PLXNB3: variants seen among roughly 807,000 people sequenced by gnomAD.
PLXNB3 encodes plexin-B3.
In PLXNB3, 80 loss-of-function variants were observed where a neutral mutation model predicts 125.7. The ratio of observed to expected loss-of-function variants is 0.64; its 90% CI spans 0.53 to 0.77. The LOEUF (loss-of-function observed/expected upper bound fraction) is 0.77, where lower values mean the gene tolerates loss of function less well. PLXNB3 is among the 30% of genes least tolerant of loss of function. The pLI is 0.00. For synonymous variants in PLXNB3, 954 were observed against 783.3 expected, an observed-to-expected ratio of 1.22 and a Z score of -3.64; for missense variants, 1,836 against 1,729.3, an observed-to-expected ratio of 1.06 and a Z score of -1.09.
At chrX:153,776,767 G>GGGTGA in intron 28 of PLXNB3, 120 bp from the exon 29 acceptor site, 1 of 412,995 alleles carries the variant, frequency 2.4e-6, no homozygotes, top group East Asian at 4.4e-5. Flanking sequence ...GGGTGGGGCA[G>GGGTGA]GGTGAGGCGA....
rs1557063541 is a variant in PLXNB3, at chrX:153,774,991, G to A, written c.4043G>A (p.Cys1348Tyr). 2 of 1,201,194 alleles carry A rather than the reference G, an allele frequency of 1.7e-6. No individual in the cohort carries two copies. Among genetic ancestry groups the A allele is most frequent in the South Asian group, 1.8e-5 (1 of 55,559 alleles). ...GCCTTCTTCCCTGGCCATGGCGGTTGCCCGCTGCAGCCCAAGCCTGAGGGG... is the reference window on the plus strand; with the variant it reads ...GCCTTCTTCCCTGGCCATGGCGGTTACCCGCTGCAGCCCAAGCCTGAGGGG... ...ERAFFPGHGG[C>Y]PLQPKPEGPG... The change falls in exon 24 of 36, where the codon TGC becomes TAC. Residue 1348 changes from cysteine (C) to tyrosine (Y), a missense_variant. Transcript: ENST00000361971.
Position 153,774,384 on chromosome X carries a change from G to A in PLXNB3, c.3679-36G>A, listed in dbSNP as rs782687354. ...TGGGTGGGCAGGTGGACCGGGTGCC[G>A]CCAGCATGCACTCAGGAACCCTGCC... On this transcript the variant is annotated intron_variant, in intron 21 of 35. Coordinates refer to ENST00000361971, the MANE Select transcript of PLXNB3 (RefSeq NM_005393.3). The A allele has an allele frequency of 7.0e-5, 81 of 1,157,567 alleles. No individual in the cohort carries two copies. The South Asian group carries it at 1.1e-3, about 16-fold the overall frequency.
Position 153,778,715 on chromosome X carries a change from G to A in PLXNB3, c.5625+41G>A, listed in dbSNP as rs932410301. On this transcript the variant is annotated intron_variant, in intron 35 of 35. Coordinates refer to ENST00000361971, the MANE Select transcript of PLXNB3 (RefSeq NM_005393.3). Reference sequence around the variant, plus strand: ...CTCCGGAGGGGAGGCACAGTGGAGCGGGAGGCCCGTGGACCCTCCCGGGGG... The same window carrying A: ...CTCCGGAGGGGAGGCACAGTGGAGCAGGAGGCCCGTGGACCCTCCCGGGGG... 6.9e-6 allele frequency: 8 copies of A among 1,154,862 alleles called. No homozygotes were observed. The African/African-American group carries it at 7.1e-5, about 10-fold the overall frequency.
intron 2 of PLXNB3, chrX:153,765,804 C>A (rs2091851249): frequency 2.7e-6 from 2 of 753,250 alleles, no homozygotes; most frequent in African/African-American, 4.6e-5. Flanking sequence ...CCCTGAGTCG[C>A]AGCGGCCCCA....
chrX:153,765,401 C>A, intron 1 of PLXNB3, 70 bp from the exon 2 acceptor site: 1 of 852,913 alleles, frequency 1.2e-6, no homozygotes, highest in South Asian at 2.4e-5. Flanking sequence ...GGCGCCACCC[C>A]CACCGCCGCC....
At chrX:153,768,799 G>C in intron 4 of PLXNB3, 149 bp from the exon 5 acceptor site, 1 of 640,197 alleles carries the variant, frequency 1.6e-6, no homozygotes, top group Non-Finnish European at 2.4e-6. Context: ...TGAGGGTGCT[G>C]AGTGGGGGAA....
chrX:153,772,242 T>C lies in PLXNB3; in HGVS notation c.2730T>C (p.Ile910=). Residue 910 remains isoleucine, a synonymous_variant, in exon 16 of 36, where the codon ATT becomes ATC. Coordinates refer to ENST00000361971, the MANE Select transcript of PLXNB3 (RefSeq NM_005393.3). ...NGTTGPVRVA[I]KSQPPGISSQ... ...CCACTGGGCCCGTCCGGGTGGCCAT[T>C]AAGAGCCAGCCACCAGGCATCTCAA... 1.7e-6 allele frequency: 2 copies of C among 1,205,537 alleles called. No individual in the cohort carries two copies. Among genetic ancestry groups the C allele is most frequent in the Non-Finnish European group, 2.2e-6 (2 of 893,453 alleles).
intron 3 of PLXNB3, 23 bp downstream of exon 3, chrX:153,767,936 C>A (rs964910374): frequency 6.9e-5 from 75 of 1,081,451 alleles, no homozygotes; most frequent in Non-Finnish European, 5.0e-5. Context: ...CCCTTCCATC[C>A]CCCCTCTCTG....
intron 2 of PLXNB3, 164 bp from the exon 3 acceptor site, chrX:153,766,709 C>T (rs991631157): frequency 1.8e-4 from 134 of 726,015 alleles, no homozygotes; most frequent in Non-Finnish European, 2.1e-4. Flanking sequence ...CTCTGTGCCC[C>T]CTCTGTCTCC....
At chrX:153,768,515 C>A in intron 4 of PLXNB3, 87 bp downstream of exon 4, 1 of 886,527 alleles carries the variant, frequency 1.1e-6, no homozygotes, top group Non-Finnish European at 1.6e-6. Context: ...CCTCTTAGCC[C>A]GCATCCCACG....
Position 153,775,288 on chromosome X carries a change from C to T in PLXNB3, c.4219C>T (p.Leu1407=). The T allele has an allele frequency of 8.3e-7, 1 of 1,208,143 alleles. No individual in the cohort carries two copies. Among genetic ancestry groups the T allele is most frequent in the Non-Finnish European group, 1.1e-6 (1 of 893,979 alleles). ...SQRDRCHVAS[L]LSLALHGKLE... Reference sequence around the variant, plus strand: ...GAGGGATCGCTGCCATGTGGCTTCGCTGCTGTCGCTAGCGCTACACGGCAA... The same window carrying T: ...GAGGGATCGCTGCCATGTGGCTTCGTTGCTGTCGCTAGCGCTACACGGCAA... Residue 1407 remains leucine, a synonymous_variant, in exon 25 of 36, where the codon CTG becomes TTG. Coordinates refer to ENST00000361971, the MANE Select transcript of PLXNB3 (RefSeq NM_005393.3).
At chrX:153,770,300 G>A in intron 8 of PLXNB3, 38 bp from the exon 9 acceptor site, 5 of 1,203,177 alleles carry the variant, frequency 4.2e-6, no homozygotes, top group Non-Finnish European at 5.6e-6. Flanking sequence ...GGGGTAATGA[G>A]CCACCTGACC....
chrX:153,768,455 T>C (rs1328286842), intron 4 of PLXNB3, 27 bp downstream of exon 4: 3 of 1,164,495 alleles, frequency 2.6e-6, no homozygotes, highest in Non-Finnish European at 3.5e-6. Context: ...GCTGTCCGGC[T>C]GGGTGTGCCC....
At chrX:153,776,743 GA>G in intron 28 of PLXNB3, 143 bp from the exon 29 acceptor site, 1 of 319,620 alleles carries the variant, frequency 3.1e-6, no homozygotes, top group Non-Finnish European at 5.1e-6. Flanking sequence ...GCAAGGCAGG[GA>G]AGGGCAGGGA....
At chrX:153,777,124 C>T (rs1288705415) in intron 29 of PLXNB3, 84 bp from the exon 30 acceptor site, 1 of 1,059,368 alleles carries the variant, frequency 9.4e-7, no homozygotes, top group Non-Finnish European at 1.3e-6. Context: ...CCCCACACTG[C>T]CCCACCTTGT....
chrX:153,772,806 G>C (rs782209878), intron 16 of PLXNB3, 80 bp from the exon 17 acceptor site: 34 of 1,042,616 alleles, frequency 3.3e-5, no homozygotes, highest in Non-Finnish European at 3.7e-5. Flanking sequence ...CTTCAGAACC[G>C]GAGGGCCTTG....
At position 153,774,915 on chromosome X, in the gene PLXNB3, C is replaced by A; in HGVS notation, c.3967C>A (p.Leu1323Met). The A allele has an allele frequency of 8.4e-7, 1 of 1,191,720 alleles. No individual in the cohort carries two copies. ...GGAGATGACCGACCTCAGCAGCGAC[C>A]TGGAGGGCAGCGGGATCCCCTTCCT... ...MTEMTDLSSD[L>M]EGSGIPFLDY... Residue 1323 changes from leucine to methionine, a missense_variant, in exon 24 of 36, where the codon CTG becomes ATG. By Grantham distance (15) the Leu-to-Met change is conservative (BLOSUM62 2). Transcript: ENST00000361971.
In PLXNB3 at chrX:153,776,459, G is replaced by A. The variant is rs1857108551; in HGVS notation, c.4833G>A (p.Lys1611=). 1.9e-6 allele frequency: 2 copies of A among 1,060,675 alleles called. No homozygotes were observed. The highest frequency in any genetic ancestry group is 2.6e-6 in the Non-Finnish European group (2 of 776,359). The allele number at this position is 1,060,675 out of a possible 1,213,427, so 87.4% of individuals were successfully genotyped here. A position where few individuals can be genotyped will look rare whatever the true frequency, so the allele number is the denominator to read the frequency against. The change falls in exon 28 of 36, where the codon AAG becomes AAA. Residue 1611 remains lysine, a splice_region_variant and synonymous_variant. Coordinates refer to ENST00000361971, the MANE Select transcript of PLXNB3 (RefSeq NM_005393.3). ...WKRLNTLQHY[K]VPDGATVGLV... is the part of the protein sequence containing the mutation. ...GACTCAACACCTTGCAACACTACAA[G>A]GTGTGAGCAGGGACGGGGCGAGGCA...
In PLXNB3 at chrX:153,779,081, C is replaced by T. The variant is rs1557065635; in HGVS notation, c.*42C>T. 1.0e-6 allele frequency: 1 copy of T among 983,999 alleles called. No individual in the cohort carries two copies. The highest frequency in any genetic ancestry group is 1.9e-5 in the African/African-American group (1 of 53,003). 81.1% of individuals were successfully genotyped at this position (983,999 alleles called of 1,213,427 possible). A position where few individuals can be genotyped will look rare whatever the true frequency, so the allele number is the denominator to read the frequency against. ...CAGCAAGCCGGATCCACCAACACCG[C>T]AGCGCCTTATGACCCCGGAACCGAG... On this transcript the variant is annotated 3_prime_UTR_variant, in exon 36 of 36. Coordinates refer to ENST00000361971, the MANE Select transcript of PLXNB3 (RefSeq NM_005393.3).
Sources: gnomAD v4.1 joint callset for allele counts on GRCh38, gnomAD v4.1.1 for gene constraint, MANE v1.5 for transcripts, NCBI Gene and HGNC (gene_info 2026-07-23, HGNC 2026-07-21) for gene names.